UAP1: variants seen among roughly 807,000 people sequenced by gnomAD.
UAP1 encodes UDP-N-acetylglucosamine pyrophosphorylase 1, also known as UDP-N-acetylhexosamine pyrophosphorylase.
A neutral mutation model predicts 58.5 loss-of-function variants in UAP1; 25 were observed. That is an observed-to-expected ratio of 0.43 (90% CI 0.31 to 0.60). The LOEUF is 0.60. Among genes scored for constraint, UAP1 ranks in the 20% least tolerant of loss-of-function variants. The pLI is 0.11. For missense variants in UAP1, 575 were observed against 630.0 expected, an observed-to-expected ratio of 0.91 and a Z score of 0.93; for synonymous variants, 208 against 213.0, an observed-to-expected ratio of 0.98 and a Z score of 0.21.
At chr1:162,567,551 G>T (rs973934002) in intron 2 of UAP1, among the ~76,000 whole-genome samples, 2 of 152,124 alleles carry the variant, frequency 1.3e-5, no homozygotes, top group African/African-American at 4.8e-5. Flanking sequence ...TTACTCCTCT[G>T]TAAGTAAAAT....
At chr1:162,582,982 AT>A (rs35829125) in intron 5 of UAP1, among the ~76,000 whole-genome samples, 102,340 of 146,402 alleles carry the variant, frequency 0.7, 36,252 homozygotes, top group Admixed American at 0.8. Context: ...TCTGAACTGT[AT>A]TTTTTTTTTT....
chr1:162,581,594 G>A, intron 5 of UAP1, 135 bp downstream of exon 5: 1 of 841,026 alleles, frequency 1.2e-6, no homozygotes, highest in East Asian at 2.6e-5. Flanking sequence ...TAACTAAACG[G>A]TCCCACACCC....
intron 9 of UAP1, 171 bp from the exon 10 acceptor site, chr1:162,597,621 A>AT: frequency 1.9e-6 from 1 of 539,354 alleles, no homozygotes; most frequent in South Asian, 2.9e-5. Context: ...AGAATTTCAT[A>AT]TTAACTTAAT....
At chr1:162,576,677 C>T (rs1291709229) in intron 2 of UAP1, 100 bp from the exon 3 acceptor site, 12 of 1,134,090 alleles carry the variant, frequency 1.1e-5, no homozygotes, top group Non-Finnish European at 1.5e-5. Context: ...GCTGTATAGC[C>T]TTACTTCCTT....
chr1:162,600,394 A>G (rs1009110355), downstream of UAP1, among the ~76,000 whole-genome samples: 7 of 152,178 alleles, frequency 4.6e-5, no homozygotes, highest in African/African-American at 1.7e-4. Flanking sequence ...GGTTCTTTAA[A>G]TATGGGCCAT....
At chr1:162,563,924 C>T (rs1240744763) in intron 1 of UAP1, among the ~76,000 whole-genome samples, 1 of 152,068 alleles carries the variant, frequency 6.6e-6, no homozygotes, top group Non-Finnish European at 1.5e-5. Context: ...TAGAGAAGGA[C>T]CAAGAACAGG....
intron 5 of UAP1, among the ~76,000 whole-genome samples, chr1:162,581,821 G>A (rs1447633913): frequency 6.6e-6 from 1 of 152,160 alleles, no homozygotes; most frequent in African/African-American, 2.4e-5. Flanking sequence ...GGAAAATGTG[G>A]TAGAAATAAC....
intron 5 of UAP1, 54 bp from the exon 6 acceptor site, chr1:162,587,421 C>T: frequency 1.3e-6 from 2 of 1,493,298 alleles, no homozygotes; most frequent in Non-Finnish European, 1.8e-6. Flanking sequence ...TGGCAAATCT[C>T]CAAAGAAACA....
intron 9 of UAP1, among the ~76,000 whole-genome samples, chr1:162,596,970 T>C (rs889237319): frequency 1.3e-5 from 2 of 152,202 alleles, no homozygotes; most frequent in Non-Finnish European, 2.9e-5. Flanking sequence ...GTGACCTAGA[T>C]GAAACAAATA....
chr1:162,575,619 A>G (rs1395625761), intron 2 of UAP1, among the ~76,000 whole-genome samples: 5 of 151,402 alleles, frequency 3.3e-5, no homozygotes, highest in South Asian at 4.2e-4. Flanking sequence ...TTTAGTAGAG[A>G]TGGAGTTTCG....
intron 2 of UAP1, among the ~76,000 whole-genome samples, chr1:162,568,149 A>G (rs1459678542): frequency 6.6e-6 from 1 of 152,162 alleles, no homozygotes; most frequent in Non-Finnish European, 1.5e-5. Flanking sequence ...TATACATACA[A>G]TCTTATAGTC....
chr1:162,575,611 T>C (rs1328249865), intron 2 of UAP1, among the ~76,000 whole-genome samples: 1 of 152,052 alleles, frequency 6.6e-6, no homozygotes, highest in Non-Finnish European at 1.5e-5. Flanking sequence ...TTTGTATTTT[T>C]AGTAGAGATG....
intron 10 of UAP1, among the ~76,000 whole-genome samples, chr1:162,598,083 A>G (rs1655715985): frequency 6.6e-6 from 1 of 152,138 alleles, no homozygotes; most frequent in African/African-American, 2.4e-5. Flanking sequence ...AAAATGAAAT[A>G]AGGTTGGGCA....
intron 3 of UAP1, among the ~76,000 whole-genome samples, chr1:162,577,434 C>CTTTTTTTTTTT (rs1557970274): frequency 1.0e-4 from 14 of 138,220 alleles, no homozygotes; most frequent in African/African-American, 3.7e-4. Flanking sequence ...TAGTTCCTTC[C>CTTTTTTTTTTT]CTTTTTTTTT....
At chr1:162,588,418 C>CT (rs1655050570) in intron 6 of UAP1, among the ~76,000 whole-genome samples, 1 of 151,998 alleles carries the variant, frequency 6.6e-6, no homozygotes, top group Non-Finnish European at 1.5e-5. Context: ...TTTTAATGTA[C>CT]ATATATACAG....
At chr1:162,566,853 C>T (rs1163887567) in intron 2 of UAP1, among the ~76,000 whole-genome samples, 1 of 152,138 alleles carries the variant, frequency 6.6e-6, no homozygotes, top group Non-Finnish European at 1.5e-5. Flanking sequence ...TCTTGAACTC[C>T]TGACCTCAAG....
rs1260332900 is a variant in UAP1, at chr1:162,564,919, G to A, written c.-57-1093G>A. ...TGAGATAGAATTTCCTGTTGCTGAG[G>A]CTGGAGTGACATGATTACGCCTCAT... On this transcript the variant is annotated intron_variant, in intron 1 of 10. Transcript: ENST00000271469. 3.3e-5 allele frequency among the ~76,000 whole-genome samples: 5 copies of A among 152,184 alleles called. No individual in the cohort carries two copies. The South Asian group carries it at 6.2e-4, about 19-fold the overall frequency.
chr1:162,600,120 A>G (rs1441063889), downstream of UAP1, among the ~76,000 whole-genome samples: 2 of 152,196 alleles, frequency 1.3e-5, no homozygotes, highest in South Asian at 2.1e-4. Flanking sequence ...CTGGCATCTA[A>G]TAGGGATTAG....
intron 8 of UAP1, among the ~76,000 whole-genome samples, chr1:162,591,752 C>T (rs777408818): frequency 6.6e-6 from 1 of 151,168 alleles, no homozygotes; most frequent in Non-Finnish European, 1.5e-5. Flanking sequence ...TCCCAAAGTG[C>T]TGGGATTACA....
Sources: gnomAD v4.1 joint callset for allele counts (sites outside exome capture counted in the v4.1 genomes callset) on GRCh38, gnomAD v4.1.1 for gene constraint, MANE v1.5 for transcripts, NCBI Gene and HGNC (gene_info 2026-07-23, HGNC 2026-07-21) for gene names.